Variants in LRRC4C observed in about 807,000 individuals in gnomAD.
The protein encoded by LRRC4C is leucine rich repeat containing 4C, also known as leucine-rich repeat-containing protein 4C.
Under a neutral mutation model 33.6 loss-of-function variants are expected in LRRC4C, and 5 were observed. The ratio of observed to expected loss-of-function variants is 0.15; its 90% CI spans 0.08 to 0.31. The LOEUF (loss-of-function observed/expected upper bound fraction) is 0.31, where lower values mean the gene tolerates loss of function less well. Among genes scored for constraint, LRRC4C ranks in the 10% least tolerant of loss-of-function variants. LRRC4C has a pLI of 1.00. For synonymous variants in LRRC4C, 329 were observed against 302.0 expected, an observed-to-expected ratio of 1.09 and a Z score of -0.93; for missense variants, 560 against 796.7, an observed-to-expected ratio of 0.70 and a Z score of 3.58.
intron 1 of LRRC4C, among the ~76,000 whole-genome samples, chr11:41,333,773 T>G (rs2137396931): frequency 6.6e-6 from 1 of 152,338 alleles, no homozygotes; most frequent in African/African-American, 2.4e-5. Context: ...AAATTTATTT[T>G]TACACATCAT....
At chr11:40,660,227 A>C (rs1198768280) in intron 2 of LRRC4C, among the ~76,000 whole-genome samples, 2 of 152,202 alleles carry the variant, frequency 1.3e-5, no homozygotes, top group Non-Finnish European at 2.9e-5. Flanking sequence ...GGCAGTGTGC[A>C]GTGGCTAGAC....
At chr11:41,301,984 G>A (rs745324486) in intron 1 of LRRC4C, among the ~76,000 whole-genome samples, 2 of 152,002 alleles carry the variant, frequency 1.3e-5, no homozygotes, top group African/African-American at 2.4e-5. Context: ...ACAGTACATT[G>A]CAGATATCAT....
At chr11:40,547,326 T>C (rs1010139777) in intron 3 of LRRC4C, among the ~76,000 whole-genome samples, 3 of 152,072 alleles carry the variant, frequency 2.0e-5, no homozygotes, top group African/African-American at 7.2e-5. Context: ...AAGGCTAAAG[T>C]ACTAGAAGTG....
intron 4 of LRRC4C, chr11:40,241,946 G>A (rs1252234426): frequency 6.6e-6 from 1 of 152,102 alleles, no homozygotes; most frequent in Non-Finnish European, 1.5e-5. Context: ...TGAGGATCTG[G>A]TGACTCCTTC....
At chr11:40,359,319 T>C (rs940900046) in intron 3 of LRRC4C, among the ~76,000 whole-genome samples, 3 of 152,180 alleles carry the variant, frequency 2.0e-5, no homozygotes, top group Admixed American at 2.0e-4. Context: ...ATCCAGGTGG[T>C]AGAAGTGCAT....
chr11:41,217,667 A>T (rs1590963849), intron 1 of LRRC4C, among the ~76,000 whole-genome samples: 1 of 152,168 alleles, frequency 6.6e-6, no homozygotes, highest in African/African-American at 2.4e-5. Context: ...TGAACTAGTG[A>T]TGAAAAAGAC....
chr11:41,444,195 G>A (rs906891245), intron 1 of LRRC4C, among the ~76,000 whole-genome samples: 4 of 152,180 alleles, frequency 2.6e-5, no homozygotes, highest in Non-Finnish European at 5.9e-5. Flanking sequence ...CTCTCTGTAT[G>A]TGTGGGTTCT....
Position 41,051,520 on chromosome 11 carries a change from C to CAAAAAAAAAAAAAAAAAAAAAAA in LRRC4C, c.-495-117820_-495-117798dup. Among the ~76,000 whole-genome samples the CAAAAAAAAAAAAAAAAAAAAAAA allele has an allele frequency of 1.1e-3, 65 of 60,286 alleles. 3 individuals are homozygous for CAAAAAAAAAAAAAAAAAAAAAAA. The highest frequency in any genetic ancestry group is 1.2e-3 in the Non-Finnish European group (41 of 35,316). The allele number at this position is 60,286 out of a possible 152,430, so 39.5% of individuals were successfully genotyped here. ...CTCAGTCCCTCCCAGGGTCTCAAGG[C>CAAAAAAAAAAAAAAAAAAAAAAA]AAAAAAAAAAAAAAAAAAAAAAAAA... On this transcript the variant is annotated intron_variant, in intron 1 of 6. Coordinates refer to ENST00000528697, the MANE Select transcript of LRRC4C (RefSeq NM_001258419.2).
At chr11:40,839,526 G>A (rs113729860) in intron 2 of LRRC4C, among the ~76,000 whole-genome samples, 3,053 of 152,184 alleles carry the variant, frequency 0.02, 111 homozygotes, top group African/African-American at 0.069. Context: ...GATTACAGGC[G>A]TGAGCCACCG....
intron 5 of LRRC4C, among the ~76,000 whole-genome samples, chr11:40,195,925 C>T (rs529370424): frequency 2.6e-5 from 4 of 152,136 alleles, no homozygotes; most frequent in South Asian, 2.1e-4. Context: ...ATGGAATTCC[C>T]GATATAGTAC....
intron 1 of LRRC4C, among the ~76,000 whole-genome samples, chr11:41,111,016 G>T (rs1941798949): frequency 6.6e-6 from 1 of 152,038 alleles, no homozygotes; most frequent in Admixed American, 6.6e-5. Context: ...TGCAGATGCT[G>T]AAGGGCTGGA....
intron 1 of LRRC4C, among the ~76,000 whole-genome samples, chr11:41,133,928 T>A (rs557766386): frequency 7.9e-5 from 12 of 152,148 alleles, no homozygotes; most frequent in Non-Finnish European, 1.5e-4. Context: ...ATGTATACCT[T>A]CCAAGTATTG....
intron 1 of LRRC4C, among the ~76,000 whole-genome samples, chr11:41,357,289 T>C (rs1415899605): frequency 6.6e-6 from 1 of 152,156 alleles, no homozygotes; most frequent in East Asian, 1.9e-4. Context: ...TAATGGTTAA[T>C]ATGTAGATAA....
chr11:41,348,480 G>C (rs543557830), intron 1 of LRRC4C, among the ~76,000 whole-genome samples: 60 of 152,216 alleles, frequency 3.9e-4, no homozygotes, highest in African/African-American at 1.4e-3. Context: ...TGTAGGAAAA[G>C]CAAAGACCTT....
intron 1 of LRRC4C, among the ~76,000 whole-genome samples, chr11:41,445,436 T>A (rs1036151829): frequency 1.6e-4 from 24 of 152,060 alleles, no homozygotes; most frequent in African/African-American, 5.8e-4. Context: ...GCAAGTGATT[T>A]TTAAGGGATG....
intron 3 of LRRC4C, among the ~76,000 whole-genome samples, chr11:40,343,579 G>A (rs1946973150): frequency 6.6e-6 from 1 of 151,636 alleles, no homozygotes; most frequent in African/African-American, 2.4e-5. Flanking sequence ...TCATTGATTA[G>A]CTCCCACTTA....
At chr11:40,933,005 A>C (rs568649979) in intron 2 of LRRC4C, among the ~76,000 whole-genome samples, 1 of 152,318 alleles carries the variant, frequency 6.6e-6, no homozygotes, top group East Asian at 1.9e-4. Context: ...CTGACAAGAA[A>C]AATATGCCAG....
chr11:41,228,699 T>C (rs1440583813), intron 1 of LRRC4C, among the ~76,000 whole-genome samples: 2 of 152,174 alleles, frequency 1.3e-5, no homozygotes, highest in Non-Finnish European at 2.9e-5. Context: ...TTTGTCTCTA[T>C]CCTCCTTGTC....
At chr11:40,815,915 T>A (rs1056153848) in intron 2 of LRRC4C, among the ~76,000 whole-genome samples, 2 of 152,226 alleles carry the variant, frequency 1.3e-5, no homozygotes, top group African/African-American at 4.8e-5. Flanking sequence ...TAACTACATA[T>A]CTTTCTTAAT....
Sources: gnomAD v4.1 joint callset for allele counts (sites outside exome capture counted in the v4.1 genomes callset) on GRCh38, gnomAD v4.1.1 for gene constraint, MANE v1.5 for transcripts, NCBI Gene and HGNC (gene_info 2026-07-23, HGNC 2026-07-21) for gene names.